The following TMEM132B variants were observed in gnomAD, a reference collection of about 807,000 sequenced individuals.
TMEM132B encodes the protein transmembrane protein 132B.
A neutral mutation model predicts 90.8 loss-of-function variants in TMEM132B; 18 were observed. The observed-to-expected ratio is 0.20, with a 90% CI of 0.14 to 0.29. TMEM132B has a LOEUF of 0.29. Among genes scored for constraint, TMEM132B ranks in the 10% least tolerant of loss-of-function variants. TMEM132B has a pLI of 1.00. For missense variants in TMEM132B, 1,096 were observed against 1,326.8 expected (o/e 0.83, Z 2.70); for synonymous variants, 504 against 523.3 (o/e 0.96, Z 0.50).
chr12:125,659,570 C>T lies in TMEM132B; in HGVS notation c.*4860C>T, dbSNP rs1295617649. 6.6e-6 allele frequency: 1 copy of T among 152,230 alleles called. No individual in the cohort carries two copies. The highest frequency in any genetic ancestry group is 2.4e-5 in the African/African-American group (1 of 41,426). The allele number at this position is 152,230 out of a possible 1,614,324, so 9.4% of individuals were successfully genotyped here. A position where few individuals can be genotyped will look rare whatever the true frequency, so the allele number is the denominator to read the frequency against. On this transcript the variant is annotated 3_prime_UTR_variant, in exon 9 of 9. Transcript: ENST00000682704. ...TTTCAGCTGAAAGATGGGTGGTACA[C>T]TTGCCAAGTGCCTAGAGGGGCTAGA...
intron 1 of TMEM132B, among the ~76,000 whole-genome samples, chr12:125,242,091 A>G (rs999972026): frequency 5.3e-5 from 8 of 152,344 alleles, no homozygotes; most frequent in South Asian, 4.1e-4. Flanking sequence ...CTAAAATACC[A>G]TAGGAGAGCT....
In TMEM132B at chr12:125,498,874, G is replaced by T. The variant is rs1364861170; in HGVS notation, c.1107-20565G>T. Among the ~76,000 whole-genome samples, 1 of 152,242 alleles carries T rather than the reference G, an allele frequency of 6.6e-6. No homozygotes were observed. The highest frequency in any genetic ancestry group is 1.5e-5 in the Non-Finnish European group (1 of 68,044). Reference sequence around the variant, plus strand: ...GGTCTCCTGCCCAAAGGGCATGCAGGTTTCCTGTGGGTTATCTTTGGGGAA... The same window carrying T: ...GGTCTCCTGCCCAAAGGGCATGCAGTTTTCCTGTGGGTTATCTTTGGGGAA... On this transcript the variant is annotated intron_variant, in intron 3 of 8. Transcript: ENST00000682704. This position sits in a 1 kb window ranked among gnomAD's most constrained non-coding sequence, Gnocchi z 4.5.
chr12:125,461,226 A>G lies in TMEM132B; in HGVS notation c.1106+45549A>G, dbSNP rs149744169. Among the ~76,000 whole-genome samples, 1,361 of 151,186 alleles carry G rather than the reference A, an allele frequency of 9.0e-3. 3 individuals carry two copies. The highest frequency in any genetic ancestry group is 0.028 in the Middle Eastern group (8 of 284). ...ATGAGTCCTCCCTGAATTCAGGGAG[A>G]TGCATTTGGAGCCTGTGAGTCTGAT... On this transcript the variant is annotated intron_variant, in intron 3 of 8. Coordinates refer to ENST00000682704, the MANE Select transcript of TMEM132B (RefSeq NM_001366854.1).
intron 1 of TMEM132B, among the ~76,000 whole-genome samples, chr12:125,192,247 T>C (rs1872811861): frequency 6.6e-6 from 1 of 152,192 alleles, no homozygotes; most frequent in South Asian, 2.1e-4. Context: ...AATGTGAGGT[T>C]TGCAAAGTCA....
intron 5 of TMEM132B, chr12:125,585,104 T>A (rs1408723807): frequency 1.3e-5 from 2 of 152,190 alleles, no homozygotes; most frequent in Non-Finnish European, 2.9e-5. Flanking sequence ...CAGGATGCTG[T>A]GTCTTAAGCA....
intron 1 of TMEM132B, among the ~76,000 whole-genome samples, chr12:125,279,887 T>C (rs1333570568): frequency 6.6e-6 from 1 of 152,220 alleles, no homozygotes; most frequent in African/African-American, 2.4e-5. Flanking sequence ...CATGTATCAG[T>C]GATTATATTA....
chr12:125,257,937 T>C (rs1488235272), intron 1 of TMEM132B, among the ~76,000 whole-genome samples: 1 of 152,208 alleles, frequency 6.6e-6, no homozygotes, highest in Non-Finnish European at 1.5e-5. Context: ...ATTTTGAACT[T>C]CTGGCTTCCA....
chr12:125,217,624 G>GT (rs370967765), intron 1 of TMEM132B, among the ~76,000 whole-genome samples: 33 of 152,146 alleles, frequency 2.2e-4, no homozygotes, highest in African/African-American at 6.7e-4. Context: ...TTAAAACAAT[G>GT]TTTTTTTATG....
intron 3 of TMEM132B, among the ~76,000 whole-genome samples, chr12:125,480,854 T>C (rs1435195883): frequency 2.0e-5 from 3 of 151,942 alleles, no homozygotes; most frequent in African/African-American, 7.3e-5. Context: ...AATGCGAATA[T>C]CCTCAATAAA....
intron 1 of TMEM132B, among the ~76,000 whole-genome samples, chr12:125,329,756 G>A (rs1876707214): frequency 6.6e-6 from 1 of 152,158 alleles, no homozygotes; most frequent in African/African-American, 2.4e-5. Flanking sequence ...CCGGCCCCTT[G>A]ACACTCAGGT....
At chr12:125,310,560 TC>T (rs150955993) in intron 1 of TMEM132B, among the ~76,000 whole-genome samples, 2,046 of 152,242 alleles carry the variant, frequency 0.013, 46 homozygotes, top group African/African-American at 0.046. Flanking sequence ...ACTGCCCTCT[TC>T]AAGTCTACCT....
At chr12:125,537,295 C>T (rs2136714138) in intron 4 of TMEM132B, among the ~76,000 whole-genome samples, 1 of 152,348 alleles carries the variant, frequency 6.6e-6, no homozygotes, top group South Asian at 2.1e-4. Context: ...GCATTAAAAA[C>T]ATTTCCCATA....
chr12:125,551,589 CTT>C (rs76556540), intron 4 of TMEM132B, among the ~76,000 whole-genome samples: 8 of 143,952 alleles, frequency 5.6e-5, no homozygotes, highest in Admixed American at 7.0e-5. Flanking sequence ...CCACATCTAT[CTT>C]TTTTTTTTTT....
At chr12:125,434,184 T>C (rs1880629175) in intron 3 of TMEM132B, among the ~76,000 whole-genome samples, 1 of 152,154 alleles carries the variant, frequency 6.6e-6, no homozygotes, top group Non-Finnish European at 1.5e-5. Context: ...TGGCCCTGTA[T>C]CCCTCTGACC....
chr12:125,432,076 G>A (rs145164899), intron 3 of TMEM132B, among the ~76,000 whole-genome samples: 16 of 152,026 alleles, frequency 1.1e-4, no homozygotes, highest in Middle Eastern at 6.8e-3. Context: ...CTGCTGCCAC[G>A]CTGCCGGGGT....
intron 3 of TMEM132B, among the ~76,000 whole-genome samples, chr12:125,474,053 TC>T (rs1229020731): frequency 5.4e-4 from 70 of 130,826 alleles, no homozygotes; most frequent in Middle Eastern, 3.8e-3. Flanking sequence ...CTTCCTTCTT[TC>T]TTTTTCCTTT....
intron 4 of TMEM132B, among the ~76,000 whole-genome samples, chr12:125,579,887 T>C (rs554074167): frequency 6.6e-6 from 1 of 152,312 alleles, no homozygotes; most frequent in South Asian, 2.1e-4. Context: ...AATAATATAA[T>C]GTGGCAACTC....
intron 1 of TMEM132B, among the ~76,000 whole-genome samples, chr12:125,194,276 G>A (rs1414152315): frequency 6.6e-6 from 1 of 152,060 alleles, no homozygotes; most frequent in South Asian, 2.1e-4. Context: ...GTTGGTGGGG[G>A]GGTCTTACTC....
intron 2 of TMEM132B, among the ~76,000 whole-genome samples, chr12:125,412,431 ATG>A (rs2136353369): frequency 6.6e-6 from 1 of 152,320 alleles, no homozygotes; most frequent in Admixed American, 6.5e-5. Flanking sequence ...AAATGATGCA[ATG>A]TGTGTCATAA....
Sources: gnomAD v4.1 joint callset for allele counts (sites outside exome capture counted in the v4.1 genomes callset) on GRCh38, gnomAD v4.1.1 for gene constraint, Gnocchi (gnomAD v3.1) non-coding constraint, MANE v1.5 for transcripts, NCBI Gene and HGNC (gene_info 2026-07-23, HGNC 2026-07-21) for gene names.